The following PDZD2 variants were observed in gnomAD, a reference collection of about 807,000 sequenced individuals.
PDZD2 encodes PDZ domain containing 2, also known as PDZ domain-containing protein 2.
Under a neutral mutation model 220.7 loss-of-function variants are expected in PDZD2, and 90 were observed. That is an observed-to-expected ratio of 0.41 (90% confidence interval 0.34 to 0.49). The LOEUF (loss-of-function observed/expected upper bound fraction) is 0.49, where lower values mean the gene tolerates loss of function less well. PDZD2 is among the 20% of genes least tolerant of loss of function. PDZD2 has a pLI of 0.28. For synonymous variants in PDZD2, 1,375 were observed against 1,450.5 expected, an observed-to-expected ratio of 0.95 and a Z score of 1.18; for missense variants, 3,174 against 3,608.5, an observed-to-expected ratio of 0.88 and a Z score of 3.08.
chr5:32,034,998 A>G (rs1045397894), intron 6 of PDZD2, among the ~76,000 whole-genome samples: 1 of 152,200 alleles, frequency 6.6e-6, no homozygotes, highest in South Asian at 2.1e-4. Context: ...TATGAATGCA[A>G]CAGATTTATT....
Position 31,639,429 on chromosome 5 carries a change from C to T in PDZD2, c.-369C>T, listed in dbSNP as rs1744848840. The T allele has an allele frequency of 6.6e-6, 1 of 151,724 alleles. No homozygotes were observed. Among genetic ancestry groups the T allele is most frequent in the Admixed American group, 6.6e-5 (1 of 15,218 alleles). 9.4% of individuals were successfully genotyped at this position (151,724 alleles called of 1,614,324 possible). A position where few individuals can be genotyped will look rare whatever the true frequency, so the allele number is the denominator to read the frequency against. ...GAAGCCGCGGGAGCCTCGGCCAAGC[C>T]GCGAGCAGGTGAAGCGACCGTCCCG... On this transcript the variant is annotated 5_prime_UTR_variant, in exon 1 of 25. Transcript: ENST00000438447. The surrounding 1 kb of genome is among the most constrained non-coding windows in gnomAD (Gnocchi z 4.1).
intron 7 of PDZD2, among the ~76,000 whole-genome samples, chr5:32,042,496 C>T (rs934283363): frequency 5.9e-5 from 9 of 152,104 alleles, no homozygotes; most frequent in Admixed American, 2.6e-4. Flanking sequence ...TCACTTGAAC[C>T]CAGGAGGCAG....
At chr5:31,918,067 T>G (rs1012764408) in intron 2 of PDZD2, among the ~76,000 whole-genome samples, 3 of 152,280 alleles carry the variant, frequency 2.0e-5, no homozygotes, top group Middle Eastern at 3.4e-3. Context: ...CAGGCACATC[T>G]TAAATGGCCG....
At position 32,088,551 on chromosome 5, in the gene PDZD2, C is replaced by T. The variant is rs183567611; in HGVS notation, c.5103C>T (p.Ser1701=). ...CAGAAGAAACCACAGAAGTCACCAG[C>T]GCTAGCTCAGCCATGGAAAACAGTC... ...SCAEETTEVT[S]ASSAMENSPL... The change falls in exon 20 of 25, where the codon AGC becomes AGT. Residue 1701 remains serine, a synonymous_variant. Transcript: ENST00000438447. This position sits in a 1 kb window ranked among gnomAD's most constrained non-coding sequence, Gnocchi z 4.6. The T allele has an allele frequency of 2.0e-5, 32 of 1,613,954 alleles. No individual in the cohort carries two copies. In the East Asian group the frequency reaches 2.9e-4, roughly 15 times the overall value.
At chr5:31,968,671 A>G (rs944016345) in intron 2 of PDZD2, among the ~76,000 whole-genome samples, 2 of 151,634 alleles carry the variant, frequency 1.3e-5, no homozygotes, top group Admixed American at 1.3e-4. Flanking sequence ...ACAAACAAAC[A>G]AACAAAAAAA....
chr5:31,689,366 T>TTTTTTCTTTTTTTTTTTTTTTC (rs1747025228), intron 1 of PDZD2, among the ~76,000 whole-genome samples: 1 of 125,704 alleles, frequency 8.0e-6, no homozygotes, highest in Non-Finnish European at 1.6e-5. Context: ...TTTTTTTTTT[T>TTTTTTCTTTTTTTTTTTTTTTC]TTTTTTTAAG....
chr5:32,011,006 C>A (rs1306070084), intron 6 of PDZD2, among the ~76,000 whole-genome samples: 3 of 71,458 alleles, frequency 4.2e-5, no homozygotes, highest in African/African-American at 2.1e-4. Flanking sequence ...CCAAAAACCT[C>A]TCAAAAAAAA....
intron 2 of PDZD2, among the ~76,000 whole-genome samples, chr5:31,852,030 T>C (rs1385597637): frequency 2.0e-5 from 3 of 152,042 alleles, no homozygotes; most frequent in Non-Finnish European, 4.4e-5. Flanking sequence ...CTAATTTTTA[T>C]GTTTTCAGTA....
At chr5:31,854,646 A>C (rs188975351) in intron 2 of PDZD2, among the ~76,000 whole-genome samples, 11 of 152,214 alleles carry the variant, frequency 7.2e-5, no homozygotes, top group African/African-American at 2.6e-4. Flanking sequence ...ACGAGGGTCT[A>C]GGGTAGGGCG....
chr5:31,970,829 C>G (rs1404094471), intron 2 of PDZD2, among the ~76,000 whole-genome samples: 3 of 152,124 alleles, frequency 2.0e-5, no homozygotes, highest in Admixed American at 1.3e-4. Flanking sequence ...CCTAGGAAAT[C>G]CCCCTAAAGG....
Position 32,038,089 on chromosome 5 carries a change from G to A in PDZD2, c.1519+747G>A, listed in dbSNP as rs557337070. Among the ~76,000 whole-genome samples the A allele has an allele frequency of 7.1e-4, 103 of 145,608 alleles. 3 individuals are homozygous for A. The South Asian group carries it at 0.02, about 28-fold the overall frequency. On this transcript the variant is annotated intron_variant, in intron 7 of 24. Transcript: ENST00000438447. ...GAACTCCTGACCTTGTGATCCGCCCGCCTCAGCTTCCCAAAGTGCTGGGAT... is the reference window on the plus strand; with the variant it reads ...GAACTCCTGACCTTGTGATCCGCCCACCTCAGCTTCCCAAAGTGCTGGGAT...
chr5:32,034,534 T>C (rs1755381003), intron 6 of PDZD2, among the ~76,000 whole-genome samples: 1 of 151,982 alleles, frequency 6.6e-6, no homozygotes, highest in African/African-American at 2.4e-5. Context: ...CTAATTTTTG[T>C]ATTCTTTGTA....
chr5:31,748,505 T>A (rs1340190112), intron 1 of PDZD2, among the ~76,000 whole-genome samples: 1 of 152,172 alleles, frequency 6.6e-6, no homozygotes, highest in Non-Finnish European at 1.5e-5. Flanking sequence ...GCTGCTCTCA[T>A]TGAACCTTCA....
intron 2 of PDZD2, among the ~76,000 whole-genome samples, chr5:31,815,025 C>G (rs999198842): frequency 1.3e-5 from 2 of 151,480 alleles, no homozygotes. Flanking sequence ...GGTGGATCAC[C>G]TGAGATCAGG....
intron 1 of PDZD2, among the ~76,000 whole-genome samples, chr5:31,727,606 A>C (rs980195271): frequency 1.3e-5 from 2 of 151,682 alleles, no homozygotes; most frequent in Non-Finnish European, 2.9e-5. Flanking sequence ...AGGCTGAGGC[A>C]GGAGAATCGT....
chr5:31,918,472 A>G (rs2150376323), intron 2 of PDZD2, among the ~76,000 whole-genome samples: 1 of 152,384 alleles, frequency 6.6e-6, no homozygotes, highest in South Asian at 2.1e-4. Flanking sequence ...TGGGCATTTC[A>G]GAATTCTCCT....
chr5:31,681,500 G>A (rs541933134), intron 1 of PDZD2, among the ~76,000 whole-genome samples: 13 of 152,026 alleles, frequency 8.6e-5, no homozygotes, highest in East Asian at 1.9e-4. Flanking sequence ...CACCAACCTC[G>A]GCCTCTCAAA....
chr5:31,707,119 C>G (rs1169269158), intron 1 of PDZD2, among the ~76,000 whole-genome samples: 2 of 123,038 alleles, frequency 1.6e-5, no homozygotes, highest in Non-Finnish European at 3.1e-5. Context: ...CACTTGGACA[C>G]AGGAAGGGGG....
At chr5:31,862,104 T>C (rs13188416) in intron 2 of PDZD2, among the ~76,000 whole-genome samples, 2 of 49,032 alleles carry the variant, frequency 4.1e-5, no homozygotes, top group African/African-American at 1.5e-4. Context: ...TTTTTGGGTT[T>C]TTTTTTTTTT....
Sources: gnomAD v4.1 joint callset for allele counts (sites outside exome capture counted in the v4.1 genomes callset) on GRCh38, gnomAD v4.1.1 for gene constraint, Gnocchi (gnomAD v3.1) non-coding constraint, MANE v1.5 for transcripts, NCBI Gene and HGNC (gene_info 2026-07-23, HGNC 2026-07-21) for gene names.